Variants in KDSR observed in about 807,000 individuals in gnomAD.
The protein encoded by KDSR is 3-dehydrosphinganine reductase.
A neutral mutation model predicts 41.3 loss-of-function variants in KDSR; 23 were observed. The ratio of observed to expected loss-of-function variants is 0.56; its 90% confidence interval spans 0.40 to 0.79. KDSR has a LOEUF of 0.79. KDSR is among the 30% of genes least tolerant of loss of function. The pLI, the probability that KDSR is intolerant of heterozygous loss-of-function variation, is 0.00. For missense variants in KDSR, 351 were observed against 416.8 expected (o/e 0.84, Z 1.37); for synonymous variants, 138 against 151.7 (o/e 0.91, Z 0.66).
chr18:63,352,996 G>A (rs756796450), intron 5 of KDSR, among the ~76,000 whole-genome samples: 1 of 136,954 alleles, frequency 7.3e-6, no homozygotes, highest in Non-Finnish European at 1.6e-5. Context: ...GTGAAAACCC[G>A]ACTCTACTAA....
At chr18:63,362,736 A>C (rs760274384) in intron 2 of KDSR, 43 bp downstream of exon 2, 1 of 1,338,914 alleles carries the variant, frequency 7.5e-7, no homozygotes, top group East Asian at 2.3e-5. Context: ...ACTAATTTCA[A>C]GTCGAAGAAG....
rs914551728 is a variant in KDSR at position 63,328,279 on chromosome 18, A to G, written c.*3503T>C. On this transcript the variant is annotated 3_prime_UTR_variant, in exon 10 of 10. Transcript: ENST00000645214. ...CAAATGTTTTCATCACCTAAATACT[A>G]GAAACAATCTCTCAAAATTTCACTT... is the stretch of plus-strand genomic sequence containing the variant. The G allele has an allele frequency of 1.1e-5, 2 of 180,550 alleles. No homozygotes were observed. The highest frequency in any genetic ancestry group is 4.0e-4 in the South Asian group (2 of 5,060). The allele number at this position is 180,550 out of a possible 1,614,324, so 11.2% of individuals were successfully genotyped here.
chr18:63,364,344 C>A (rs1207193439), intron 1 of KDSR, among the ~76,000 whole-genome samples: 1 of 152,178 alleles, frequency 6.6e-6, no homozygotes, highest in African/African-American at 2.4e-5. Flanking sequence ...ATTAAAAATA[C>A]CAATTATTTT....
intron 6 of KDSR, among the ~76,000 whole-genome samples, chr18:63,349,505 A>T (rs1914603082): frequency 6.6e-6 from 1 of 152,276 alleles, no homozygotes. Flanking sequence ...TCAGTGTCCT[A>T]TTGGCTAAGC....
chr18:63,335,142 A>G (rs891794996), intron 9 of KDSR, 115 bp downstream of exon 9: 11 of 638,420 alleles, frequency 1.7e-5, no homozygotes, highest in Admixed American at 1.5e-4. Flanking sequence ...ATAAAAATAC[A>G]TTGTCAAATA....
Position 63,359,725 on chromosome 18 carries a change from CAG to C in KDSR, c.255+9_255+10del, listed in dbSNP as rs1914908776. On this transcript the variant is annotated intron_variant, in intron 3 of 9. Transcript: ENST00000645214. The stretch of plus-strand genomic sequence containing the variant: ...TTATACAGAAAATGCATTCTGAAGA[CAG>C]AGATTTACCTGTTTGTCATTAATAG... 1.3e-6 allele frequency: 2 copies of C among 1,571,258 alleles called. No homozygotes were observed. The highest frequency in any genetic ancestry group is 4.5e-5 in the East Asian group (2 of 44,580).
rs539680727 is a variant in KDSR, at chr18:63,340,006, C to T, written c.694-1123G>A. Among the ~76,000 whole-genome samples the T allele has an allele frequency of 4.6e-5, 7 of 152,292 alleles. No individual in the cohort carries two copies. The South Asian group carries it at 6.2e-4, about 14-fold the overall frequency. ...GAGAAAGGCTGTTTTGAAGGAGCCACGATTCATTCTTCCAGACCCCCAGGC... is the reference window on the plus strand; with the variant it reads ...GAGAAAGGCTGTTTTGAAGGAGCCATGATTCATTCTTCCAGACCCCCAGGC... On this transcript the variant is annotated intron_variant, in intron 7 of 9. Transcript: ENST00000645214.
chr18:63,329,851 T>C lies in KDSR; in HGVS notation c.*1931A>G, dbSNP rs2144341186. On this transcript the variant is annotated 3_prime_UTR_variant, in exon 10 of 10. Coordinates refer to ENST00000645214, the MANE Select transcript of KDSR (RefSeq NM_002035.4). Reference sequence around the variant, plus strand: ...ATAAAACTGAGAAACATCCAGACATTAATGCAATTGTTTTCTGCAAATTAT... The same window carrying C: ...ATAAAACTGAGAAACATCCAGACATCAATGCAATTGTTTTCTGCAAATTAT... 1 of 194,618 alleles carries C rather than the reference T, an allele frequency of 5.1e-6. No individual in the cohort carries two copies. The allele number at this position is 194,618 out of a possible 1,614,324, so 12.1% of individuals were successfully genotyped here.
At chr18:63,366,837 G>A (rs1442543529) in intron 1 of KDSR, among the ~76,000 whole-genome samples, 174 bp downstream of exon 1, 1 of 152,214 alleles carries the variant, frequency 6.6e-6, no homozygotes, top group Non-Finnish European at 1.5e-5. Context: ...GCGAGGCCGG[G>A]TGCCGGGGCC....
At chr18:63,361,017 A>ATATATATATAATATATATAT (rs761703297) in intron 2 of KDSR, among the ~76,000 whole-genome samples, 1 of 106,854 alleles carries the variant, frequency 9.4e-6, no homozygotes, top group Non-Finnish European at 1.7e-5. Flanking sequence ...TATATATATA[A>ATATATATATAATATATATAT]AATATATAAT....
intron 3 of KDSR, among the ~76,000 whole-genome samples, chr18:63,358,678 G>A (rs920246779): frequency 2.0e-5 from 3 of 151,592 alleles, no homozygotes; most frequent in Admixed American, 2.0e-4. Flanking sequence ...AGCCGGGTGT[G>A]GTGGCACACA....
chr18:63,330,888 C>G lies in KDSR; in HGVS notation c.*894G>C, dbSNP rs1038194357. 4.4e-5 allele frequency: 10 copies of G among 225,074 alleles called. No individual in the cohort carries two copies. The highest frequency in any genetic ancestry group is 1.3e-3 in the Middle Eastern group (1 of 762). 13.9% of individuals were successfully genotyped at this position (225,074 alleles called of 1,614,324 possible). On this transcript the variant is annotated 3_prime_UTR_variant, in exon 10 of 10. Transcript: ENST00000645214. Reference sequence around the variant, plus strand: ...AAGAGATGGGAAAAACAAGTAGATGCTAAAATGGGATAGGTGAACTTCAGG... The same window carrying G: ...AAGAGATGGGAAAAACAAGTAGATGGTAAAATGGGATAGGTGAACTTCAGG...
At chr18:63,352,833 CAA>C (rs1210489441) in intron 5 of KDSR, among the ~76,000 whole-genome samples, 2 of 151,374 alleles carry the variant, frequency 1.3e-5, no homozygotes, top group African/African-American at 2.4e-5. Context: ...CTTTTTTTTC[CAA>C]AAGTGTGTTT....
intron 7 of KDSR, 81 bp downstream of exon 7, chr18:63,344,329 G>T: frequency 1.1e-6 from 1 of 930,328 alleles, no homozygotes; most frequent in Non-Finnish European, 1.7e-6. Context: ...TGGTGAAAAC[G>T]AGTGTGAGCT....
At chr18:63,344,790 G>A (rs528608832) in intron 6 of KDSR, 17 of 277,230 alleles carry the variant, frequency 6.1e-5, no homozygotes, top group Admixed American at 1.9e-4. Flanking sequence ...CCTGGGAGCC[G>A]TCCGACGAGG....
chr18:63,341,874 A>G (rs918080194), intron 7 of KDSR, among the ~76,000 whole-genome samples: 1 of 152,282 alleles, frequency 6.6e-6, no homozygotes. Flanking sequence ...TAACAAAACA[A>G]TACATAAGAA....
chr18:63,361,000 A>ATATATATATAT (rs1440602336), intron 2 of KDSR, among the ~76,000 whole-genome samples: 23 of 22,032 alleles, frequency 1.0e-3, no homozygotes, highest in South Asian at 3.5e-3. Flanking sequence ...ACTAAAAAAA[A>ATATATATATAT]AATATATATA....
At chr18:63,338,097 C>T (rs1914236462) in intron 8 of KDSR, among the ~76,000 whole-genome samples, 1 of 152,198 alleles carries the variant, frequency 6.6e-6, no homozygotes, top group Non-Finnish European at 1.5e-5. Context: ...ACAGAATTCA[C>T]TATTCTCATT....
At position 63,335,278 on chromosome 18, in the gene KDSR, A is replaced by T; in HGVS notation, c.858T>A (p.Ser286=). The change falls in exon 9 of 10, where the codon TCT becomes TCA. Residue 286 remains serine, a synonymous_variant. Coordinates refer to ENST00000645214, the MANE Select transcript of KDSR (RefSeq NM_002035.4). The part of the protein sequence containing the change: ...ALTCGMAPVT[S]ITEGLQQVVT... ...TTACCTGCTGGAGCCCCTCAGTAATAGAAGTTACTGGAGCCATCCCACAGG... is the reference window on the plus strand; with the variant it reads ...TTACCTGCTGGAGCCCCTCAGTAATTGAAGTTACTGGAGCCATCCCACAGG... 5.0e-6 allele frequency: 8 copies of T among 1,612,484 alleles called. No individual in the cohort carries two copies. Among genetic ancestry groups the T allele is most frequent in the Non-Finnish European group, 6.8e-6 (8 of 1,178,464 alleles).
Sources: allele counts gnomAD v4.1 joint callset (sites outside exome capture counted in the v4.1 genomes callset), GRCh38; gene constraint gnomAD v4.1.1; transcripts MANE v1.5; gene names NCBI Gene and HGNC (gene_info 2026-07-23, HGNC 2026-07-21).